Variants in CHSY1 observed in about 807,000 individuals in gnomAD.
CHSY1 encodes the protein chondroitin sulfate synthase 1.
Under a neutral mutation model 59.8 loss-of-function variants are expected in CHSY1, and 13 were observed. That is an observed-to-expected ratio of 0.22 (90% CI 0.14 to 0.35). CHSY1 has a LOEUF of 0.35. Ranked by LOEUF, CHSY1 falls within the 10% of genes least tolerant of loss-of-function variation. CHSY1 has a pLI of 1.00. For missense variants in CHSY1, 947 were observed against 1,030.6 expected, an observed-to-expected ratio of 0.92 and a Z score of 1.11; for synonymous variants, 459 against 401.2, an observed-to-expected ratio of 1.14 and a Z score of -1.72.
In CHSY1 at chr15:101,206,024, C is replaced by CA. The variant is rs1415309941; in HGVS notation, c.817-27045dup. Reference sequence around the variant, plus strand: ...CCTGGTATGGTAGTGTTTTCTATTTCAAGTTCCTATAGACAGTAATACGCT... The same window carrying CA: ...CCTGGTATGGTAGTGTTTTCTATTTCAAAGTTCCTATAGACAGTAATACGCT... On this transcript the variant is annotated intron_variant, in intron 2 of 2. Coordinates refer to ENST00000254190, the MANE Select transcript of CHSY1 (RefSeq NM_014918.5). Among the ~76,000 whole-genome samples the CA allele has an allele frequency of 2.0e-5, 3 of 151,988 alleles. No individual in the cohort carries two copies. In the East Asian group the frequency reaches 5.8e-4, roughly 29 times the overall value.
intron 2 of CHSY1, among the ~76,000 whole-genome samples, chr15:101,227,784 A>G (rs2038855159): frequency 6.6e-6 from 1 of 152,238 alleles, no homozygotes; most frequent in Non-Finnish European, 1.5e-5. Context: ...AGTTCCAGGC[A>G]TCTAAGGAAA....
intron 1 of CHSY1, among the ~76,000 whole-genome samples, chr15:101,246,663 G>A (rs1045655058): frequency 1.3e-5 from 2 of 152,126 alleles, no homozygotes; most frequent in African/African-American, 4.8e-5. Flanking sequence ...AACGGTACAT[G>A]GTGCTGCGAC....
At position 101,217,631 on chromosome 15, in the gene CHSY1, C is replaced by T. The variant is rs112708475; in HGVS notation, c.816+17451G>A. On this transcript the variant is annotated intron_variant, in intron 2 of 2. Transcript: ENST00000254190. ...AGGAAGGGATGGAGGGAGGGAGGAC[C>T]GAGCAACTGAAAGAGCACCCAGTGG... Among the ~76,000 whole-genome samples, 529 of 152,126 alleles carry T rather than the reference C, an allele frequency of 3.5e-3. 3 individuals are homozygous for T. Among genetic ancestry groups the T allele is most frequent in the African/African-American group, 0.012 (488 of 41,472 alleles).
chr15:101,189,994 G>C (rs1293112839), intron 2 of CHSY1, among the ~76,000 whole-genome samples: 1 of 152,238 alleles, frequency 6.6e-6, no homozygotes, highest in Non-Finnish European at 1.5e-5. Context: ...GTTACACTCA[G>C]AACTGTCAGT....
intron 2 of CHSY1, among the ~76,000 whole-genome samples, chr15:101,222,944 T>C (rs1286887522): frequency 2.6e-5 from 4 of 152,158 alleles, no homozygotes; most frequent in African/African-American, 9.7e-5. Flanking sequence ...AGGAAGATTA[T>C]CAAAGACTTT....
At chr15:101,241,092 A>G (rs964238363) in intron 1 of CHSY1, among the ~76,000 whole-genome samples, 2 of 152,180 alleles carry the variant, frequency 1.3e-5, no homozygotes, top group Admixed American at 6.5e-5. Flanking sequence ...AAAGGATTTA[A>G]TAGTCTTTTT....
At chr15:101,183,881 A>ATGT (rs1432487974) in intron 2 of CHSY1, among the ~76,000 whole-genome samples, 1 of 152,236 alleles carries the variant, frequency 6.6e-6, no homozygotes, top group African/African-American at 2.4e-5. Context: ...CAGACACGAT[A>ATGT]TGTTACACAT....
Position 101,211,237 on chromosome 15 carries a change from T to C in CHSY1, c.816+23845A>G, listed in dbSNP as rs576904517. 3.9e-5 allele frequency among the ~76,000 whole-genome samples: 6 copies of C among 152,150 alleles called. No homozygotes were observed. The East Asian group carries it at 1.2e-3, about 29-fold the overall frequency. ...TACCTGGGAGGCTGAGGCAGAAAAA[T>C]CACTTGAACCTGGGAGATGGAGGTT... On this transcript the variant is annotated intron_variant, in intron 2 of 2. Transcript: ENST00000254190.
At chr15:101,246,210 AC>A (rs1349360486) in intron 1 of CHSY1, among the ~76,000 whole-genome samples, 2 of 152,246 alleles carry the variant, frequency 1.3e-5, no homozygotes, top group African/African-American at 4.8e-5. Flanking sequence ...GAAACCATCC[AC>A]CTCTTTCTTC....
Position 101,205,884 on chromosome 15 carries a change from G to A in CHSY1, c.817-26904C>T, listed in dbSNP as rs140460351. 1.1e-3 allele frequency among the ~76,000 whole-genome samples: 165 copies of A among 152,124 alleles called. 4 individuals carry two copies. The East Asian group carries it at 0.027, about 25-fold the overall frequency. On this transcript the variant is annotated intron_variant, in intron 2 of 2. Coordinates refer to ENST00000254190, the MANE Select transcript of CHSY1 (RefSeq NM_014918.5). ...GGAGAATGGCGTGAACCCAGGAGGC[G>A]GAGCTTGCAGTGAGCCGAGATAGCG...
At chr15:101,183,158 AGAC>A (rs2038303413) in intron 2 of CHSY1, among the ~76,000 whole-genome samples, 1 of 152,170 alleles carries the variant, frequency 6.6e-6, no homozygotes, top group Non-Finnish European at 1.5e-5. Flanking sequence ...AAAAAAAACC[AGAC>A]AACAGGAGAG....
intron 1 of CHSY1, among the ~76,000 whole-genome samples, chr15:101,243,786 C>A (rs919929039): frequency 5.3e-5 from 8 of 152,224 alleles, no homozygotes; most frequent in African/African-American, 1.9e-4. Flanking sequence ...GAAGGCCAGA[C>A]AACTTGATTC....
intron 2 of CHSY1, chr15:101,189,286 C>T (rs557232466): frequency 2.7e-5 from 8 of 300,816 alleles, no homozygotes; most frequent in African/African-American, 1.4e-4. Flanking sequence ...CTCTCAGCAC[C>T]CTCTCCACTC....
At chr15:101,237,242 A>AC (rs912794610) in intron 1 of CHSY1, among the ~76,000 whole-genome samples, 15 of 150,088 alleles carry the variant, frequency 1.0e-4, no homozygotes, top group African/African-American at 3.2e-4. Flanking sequence ...AAAAAAAAAA[A>AC]AAAAAACAGA....
At chr15:101,193,606 C>T (rs2038472595) in intron 2 of CHSY1, among the ~76,000 whole-genome samples, 1 of 152,218 alleles carries the variant, frequency 6.6e-6, no homozygotes, top group South Asian at 2.1e-4. Flanking sequence ...TTAATGGCGT[C>T]ATCAGCAAGA....
At chr15:101,249,510 A>AC (rs1567111382) in intron 1 of CHSY1, among the ~76,000 whole-genome samples, 5 of 113,064 alleles carry the variant, frequency 4.4e-5, no homozygotes, top group Non-Finnish European at 8.5e-5. Flanking sequence ...GATAGATAGA[A>AC]TTTTTTTTTT....
At position 101,178,409 on chromosome 15, in the gene CHSY1, A is replaced by G. The variant is rs1160149874; in HGVS notation, c.1388T>C (p.Met463Thr). ...CGCGTGCCTCCTCACAGGGACCGTC[A>G]TTTTCTTCCCTTTGTGCTTTTTGTA... Reference protein sequence around the residue: ...LLYKKHKGKKMTVPVRRHAYL... With the variant: ...LLYKKHKGKKTTVPVRRHAYL... Residue 463 changes from methionine (M) to threonine (T), a missense_variant, in exon 3 of 3, where the codon ATG becomes ACG. Physicochemically the swap from Met to Thr is moderately conservative, Grantham distance 81. Around this residue, in one of 4 missense-constraint regions of CHSY1, gnomAD observed 602 missense variants for 676.9 expected, o/e 0.89. Coordinates refer to ENST00000254190, the MANE Select transcript of CHSY1 (RefSeq NM_014918.5). 2.5e-6 allele frequency: 4 copies of G among 1,612,918 alleles called. No homozygotes were observed. Among genetic ancestry groups the G allele is most frequent in the Admixed American group, 1.7e-5 (1 of 59,998 alleles).
Position 101,251,420 on chromosome 15 carries a change from G to C in CHSY1, c.37C>G (p.Leu13Val), listed in dbSNP as rs1381739127. The C allele has an allele frequency of 8.9e-7, 1 of 1,121,062 alleles. No individual in the cohort carries two copies. Among genetic ancestry groups the C allele is most frequent in the Non-Finnish European group, 1.1e-6 (1 of 901,404 alleles). The allele number at this position is 1,121,062 out of a possible 1,614,324, so 69.4% of individuals were successfully genotyped here. The change falls in exon 1 of 3, where the codon CTG becomes GTG. Residue 13 changes from leucine (L) to valine (V), a missense_variant. Leu to Val is a conservative substitution (Grantham distance 32). Around this residue, in one of 4 missense-constraint regions of CHSY1, gnomAD observed 232 missense variants for 188.5 expected, o/e 1.23. Coordinates refer to ENST00000254190, the MANE Select transcript of CHSY1 (RefSeq NM_014918.5). ...ARGRRAWLSV[L>V]LGLVLGFVLA... ...ACGAAGCCCAGGACGAGCCCGAGCA[G>C]CACGCTGAGCCAGGCGCGCCGGCCG...
chr15:101,196,117 A>T (rs1271071631), intron 2 of CHSY1, among the ~76,000 whole-genome samples: 2 of 150,774 alleles, frequency 1.3e-5, no homozygotes, highest in Non-Finnish European at 3.0e-5. Context: ...GGTGTAGTGG[A>T]GGGCGCCTGT....
Sources: gnomAD v4.1 joint callset for allele counts (sites outside exome capture counted in the v4.1 genomes callset) on GRCh38, gnomAD v4.1.1 for gene constraint, gnomAD v4.1.1 regional missense constraint, MANE v1.5 for transcripts, NCBI Gene and HGNC (gene_info 2026-07-23, HGNC 2026-07-21) for gene names.